XPO5: variants seen among roughly 807,000 people sequenced by gnomAD.
XPO5 encodes exportin-5.
Under a neutral mutation model 160.6 loss-of-function variants are expected in XPO5, and 46 were observed. The ratio of observed to expected loss-of-function variants is 0.29; its 90% CI spans 0.23 to 0.37. The LOEUF (loss-of-function observed/expected upper bound fraction) is 0.37. Ranked by LOEUF, XPO5 falls within the 10% of genes least tolerant of loss-of-function variation. XPO5 has a pLI of 1.00. For missense variants in XPO5, 1,090 were observed against 1,463.9 expected (o/e 0.74, Z 4.17); for synonymous variants, 537 against 519.3 (o/e 1.03, Z -0.46).
At chr6:43,528,660 G>A (rs756106570) in intron 24 of XPO5, among the ~76,000 whole-genome samples, 168 bp downstream of exon 24, 1 of 152,112 alleles carries the variant, frequency 6.6e-6, no homozygotes, top group Non-Finnish European at 1.5e-5. Context: ...GTTCTTTGGG[G>A]GCTGCTCGAT....
rs1012707301 is a variant in XPO5, at chr6:43,522,554, C to T, written c.*1314G>A. 3.4e-5 allele frequency: 9 copies of T among 267,516 alleles called. No individual in the cohort carries two copies. Among genetic ancestry groups the T allele is most frequent in the South Asian group, 1.6e-4 (5 of 31,436 alleles). 16.6% of individuals were successfully genotyped at this position (267,516 alleles called of 1,614,324 possible). ...GGAAACACTCTTGAGATCGCCTTCA[C>T]GATCCACAGAAACCCAGAGCACCAC... On this transcript the variant is annotated 3_prime_UTR_variant, in exon 32 of 32. Transcript: ENST00000265351.
intron 20 of XPO5, among the ~76,000 whole-genome samples, chr6:43,543,437 G>A (rs1001808230): frequency 1.1e-4 from 16 of 152,034 alleles, no homozygotes; most frequent in Admixed American, 3.9e-4. Flanking sequence ...TGGGCGACAG[G>A]ATAAGATCGT....
At chr6:43,571,168 C>A (rs924176553) in intron 3 of XPO5, among the ~76,000 whole-genome samples, 174 bp from the exon 4 acceptor site, 1 of 152,202 alleles carries the variant, frequency 6.6e-6, no homozygotes, top group Non-Finnish European at 1.5e-5. Context: ...TTGCTAATCA[C>A]TCTTCCGCTT....
chr6:43,572,402 G>A (rs907536742), intron 3 of XPO5, 104 bp downstream of exon 3: 3 of 1,102,178 alleles, frequency 2.7e-6, no homozygotes, highest in Admixed American at 3.6e-5. Context: ...TGTGCTGTCT[G>A]ACCTATTTAG....
intron 10 of XPO5, among the ~76,000 whole-genome samples, chr6:43,560,552 G>A (rs910529457): frequency 9.2e-5 from 14 of 152,156 alleles, no homozygotes; most frequent in African/African-American, 3.4e-4. Context: ...TGCAAAAAAG[G>A]ATACTGGAAT....
intron 20 of XPO5, among the ~76,000 whole-genome samples, 162 bp downstream of exon 20, chr6:43,546,409 T>C (rs569867565): frequency 6.6e-6 from 1 of 152,308 alleles, no homozygotes; most frequent in East Asian, 1.9e-4. Context: ...TGAGAGCTGA[T>C]GTTATTTTTT....
At chr6:43,552,503 C>T (rs912964818) in intron 14 of XPO5, among the ~76,000 whole-genome samples, 1 of 152,120 alleles carries the variant, frequency 6.6e-6, no homozygotes, top group Non-Finnish European at 1.5e-5. Context: ...CAGACATGCA[C>T]CAGCATGCCC....
chr6:43,525,292 G>A (rs751831467), intron 28 of XPO5, 78 bp from the exon 29 acceptor site: 18 of 1,396,626 alleles, frequency 1.3e-5, no homozygotes, highest in East Asian at 5.0e-5. Context: ...ATCAGGAGCC[G>A]GAGGGTTTTT....
At position 43,555,853 on chromosome 6, in the gene XPO5, T is replaced by C. The variant is rs563472062; in HGVS notation, c.1424A>G (p.Asp475Gly). 8.1e-6 allele frequency: 13 copies of C among 1,613,884 alleles called. No homozygotes were observed. In the South Asian group the frequency reaches 1.3e-4, roughly 16 times the overall value. The change falls in exon 13 of 32, where the codon GAT becomes GGT. Residue 475 changes from aspartate to glycine, a missense_variant. Around this residue, in one of 3 missense-constraint regions of XPO5, gnomAD observed 810 missense variants for 1,139.0 expected, o/e 0.71. Transcript: ENST00000265351. ...AAACTTACAATTCACAGAACCAGCA[T>C]CAAGAAAAGTTGATAGTTGATACTT... ...WLKYQLSTFL[D>G]AGSVNSCSAV...
Position 43,565,680 on chromosome 6 carries a change from A to T in XPO5, c.891T>A (p.His297Gln), listed in dbSNP as rs769071015. ...LMVLFGDVAM[H>Q]YILSAAQTAD... ...CTCACTGTGCGGCGGAGAGTATATAATGCATGGCAACATCTCCAAATAAGA... is the reference window on the plus strand; with the variant it reads ...CTCACTGTGCGGCGGAGAGTATATATTGCATGGCAACATCTCCAAATAAGA... Residue 297 changes from histidine (H) to glutamine (Q), a missense_variant, in exon 8 of 32, where the codon CAT becomes CAA. This residue lies in a region of XPO5 where 810 missense variants were observed against 1,139.0 expected (regional missense o/e 0.71). Coordinates refer to ENST00000265351, the MANE Select transcript of XPO5 (RefSeq NM_020750.3). The T allele has an allele frequency of 6.2e-7, 1 of 1,609,698 alleles. No homozygotes were observed. The highest frequency in any genetic ancestry group is 8.5e-7 in the Non-Finnish European group (1 of 1,178,046).
intron 1 of XPO5, among the ~76,000 whole-genome samples, chr6:43,575,364 A>C (rs1026983412): frequency 6.6e-6 from 1 of 151,406 alleles, no homozygotes; most frequent in African/African-American, 2.4e-5. Flanking sequence ...GAGAGACCAT[A>C]AAGAACGAAG....
At chr6:43,558,401 G>A (rs1561881411) in intron 12 of XPO5, 100 bp downstream of exon 12, 6 of 1,051,458 alleles carry the variant, frequency 5.7e-6, no homozygotes, top group Non-Finnish European at 6.8e-6. Flanking sequence ...TCCAGATTTG[G>A]GGATCTTTCG....
At chr6:43,524,087 G>C (rs1021336538) in intron 31 of XPO5, 82 bp from the exon 32 acceptor site, 1 of 1,532,308 alleles carries the variant, frequency 6.5e-7, no homozygotes, top group Non-Finnish European at 8.7e-7. Context: ...GCAGTGGCTC[G>C]CGCCTGTAAT....
Position 43,533,973 on chromosome 6 carries a change from C to G in XPO5, c.2377G>C (p.Ala793Pro), listed in dbSNP as rs1179947847. Residue 793 changes from alanine (A) to proline (P), a missense_variant, in exon 21 of 32, where the codon GCC becomes CCC. Around this residue, in one of 3 missense-constraint regions of XPO5, gnomAD observed 810 missense variants for 1,139.0 expected, o/e 0.71. Transcript: ENST00000265351. ...TTGGTGAAAGGCTCTGCCATTTTGGCTAGCATTTCTGGTGCATATAATGTA... is the reference window on the plus strand; with the variant it reads ...TTGGTGAAAGGCTCTGCCATTTTGGGTAGCATTTCTGGTGCATATAATGTA... Reference protein sequence around the residue: ...HNTLYAPEMLAKMAEPFTKAL... With the variant: ...HNTLYAPEMLPKMAEPFTKAL... 6.2e-7 allele frequency: 1 copy of G among 1,605,824 alleles called. No individual in the cohort carries two copies. Among genetic ancestry groups the G allele is most frequent in the Admixed American group, 1.7e-5 (1 of 59,730 alleles).
At chr6:43,537,140 CT>C (rs70990198) in intron 20 of XPO5, among the ~76,000 whole-genome samples, 413 of 137,122 alleles carry the variant, frequency 3.0e-3, no homozygotes, top group Non-Finnish European at 3.7e-3. Flanking sequence ...ATAATTAAAA[CT>C]TTTTTTTTTT....
Position 43,523,618 on chromosome 6 carries a change from C to T in XPO5, c.*250G>A. ...GCTTTTCTTGGAAAAGCCAAATCTC[C>T]AAGTAGAATGGGAACTATCTGGGAC... On this transcript the variant is annotated 3_prime_UTR_variant, in exon 32 of 32. Transcript: ENST00000265351. The T allele has an allele frequency of 1.4e-6, 1 of 729,222 alleles. No individual in the cohort carries two copies. Among genetic ancestry groups the T allele is most frequent in the Non-Finnish European group, 2.5e-6 (1 of 398,602 alleles). The allele number at this position is 729,222 out of a possible 1,614,324, so 45.2% of individuals were successfully genotyped here. A position where few individuals can be genotyped will look rare whatever the true frequency, so the allele number is the denominator to read the frequency against.
chr6:43,545,114 T>C (rs1794900224), intron 20 of XPO5, among the ~76,000 whole-genome samples: 1 of 151,884 alleles, frequency 6.6e-6, no homozygotes, highest in Admixed American at 6.6e-5. Flanking sequence ...CTCAAGTGAT[T>C]GACCCACCTT....
chr6:43,554,116 TTG>T (rs2127736423), intron 13 of XPO5, among the ~76,000 whole-genome samples: 1 of 152,294 alleles, frequency 6.6e-6, no homozygotes, highest in African/African-American at 2.4e-5. Flanking sequence ...TTTTCTTTTT[TTG>T]TTTGTTTGAG....
chr6:43,555,648 T>C (rs1762040116), intron 13 of XPO5, 188 bp downstream of exon 13: 1 of 588,490 alleles, frequency 1.7e-6, no homozygotes, highest in Non-Finnish European at 2.6e-6. Flanking sequence ...TTAAAACAAA[T>C]TTAAAATGTG....
Sources: allele counts gnomAD v4.1 joint callset (sites outside exome capture counted in the v4.1 genomes callset), GRCh38; gene constraint gnomAD v4.1.1; regional missense constraint gnomAD v4.1.1; transcripts MANE v1.5; gene names NCBI Gene and HGNC (gene_info 2026-07-23, HGNC 2026-07-21).